The following GPATCH2L variants were observed in gnomAD, a reference collection of about 807,000 sequenced individuals.
The protein encoded by GPATCH2L is G patch domain-containing protein 2-like.
Under a neutral mutation model 57.4 loss-of-function variants are expected in GPATCH2L, and 31 were observed. The ratio of observed to expected loss-of-function variants is 0.54; its 90% CI spans 0.41 to 0.73. The LOEUF (loss-of-function observed/expected upper bound fraction) is 0.73. Ranked by LOEUF, GPATCH2L falls within the 30% of genes least tolerant of loss-of-function variation. The pLI, the probability that GPATCH2L is intolerant of heterozygous loss-of-function variation, is 0.00. For synonymous variants in GPATCH2L, 199 were observed against 210.7 expected (o/e 0.94, Z 0.48); for missense variants, 481 against 599.9 (o/e 0.80, Z 2.07).
chr14:76,180,772 C>T lies in GPATCH2L; in HGVS notation c.1116C>T (p.Pro372=). 6.2e-7 allele frequency: 1 copy of T among 1,609,548 alleles called. No homozygotes were observed. Among genetic ancestry groups the T allele is most frequent in the Non-Finnish European group, 8.5e-7 (1 of 1,175,794 alleles). Residue 372 remains proline (P), a synonymous_variant, in exon 8 of 10, where the codon CCC becomes CCT. Transcript: ENST00000261530. The part of the protein sequence containing the change: ...HISACAHEFN[P]LSPLYSLDVL... ...CTTATTCATTCCTGCAGTTCAATCCCCTGTCTCCCCTTTACTCCCTGGATG... is the reference window on the plus strand; with the variant it reads ...CTTATTCATTCCTGCAGTTCAATCCTCTGTCTCCCCTTTACTCCCTGGATG...
intron 5 of GPATCH2L, chr14:76,173,834 T>G: frequency 4.6e-6 from 2 of 433,288 alleles, no homozygotes; most frequent in Non-Finnish European, 4.0e-6. Flanking sequence ...ATAGAAGTAC[T>G]GACAAAAAAA....
intron 1 of GPATCH2L, among the ~76,000 whole-genome samples, chr14:76,227,824 C>G (rs929076917): frequency 5.3e-5 from 8 of 152,138 alleles, no homozygotes; most frequent in Non-Finnish European, 1.0e-4. Context: ...GGCTCAGCCC[C>G]GTGAGTCTGC....
chr14:76,176,901 T>A (rs10143467), intron 6 of GPATCH2L, among the ~76,000 whole-genome samples: 443 of 152,352 alleles, frequency 2.9e-3, no homozygotes, highest in African/African-American at 0.01. Flanking sequence ...ATTGTTTTTT[T>A]ATACCTACAG....
intron 1 of GPATCH2L, among the ~76,000 whole-genome samples, chr14:76,220,119 A>C (rs2040508069): frequency 6.6e-6 from 1 of 152,208 alleles, no homozygotes; most frequent in African/African-American, 2.4e-5. Flanking sequence ...TAACCATTAG[A>C]ATTCACCAGA....
intron 2 of GPATCH2L, among the ~76,000 whole-genome samples, chr14:76,156,084 A>T (rs2038294326): frequency 6.6e-6 from 1 of 152,176 alleles, no homozygotes; most frequent in Non-Finnish European, 1.5e-5. Flanking sequence ...CACTATTTGT[A>T]TTTACAGAAG....
rs199697532 is a variant in GPATCH2L at position 76,182,314 on chromosome 14, G to A, written c.1193+1465G>A. ...GGAGCTTGCAGTGAGCTGAGATCGC[G>A]CCACTGCACTCCAGCCTGGGGGACA... is the stretch of plus-strand genomic sequence containing the variant. On this transcript the variant is annotated intron_variant, in intron 8 of 9. Coordinates refer to ENST00000261530, the MANE Select transcript of GPATCH2L (RefSeq NM_017926.4). Among the ~76,000 whole-genome samples the A allele has an allele frequency of 3.7e-4, 47 of 126,966 alleles. No individual in the cohort carries two copies. The East Asian group carries it at 0.011, about 30-fold the overall frequency. 83.3% of individuals were successfully genotyped at this position (126,966 alleles called of 152,430 possible).
chr14:76,190,543 G>A (rs1050801465), intron 8 of GPATCH2L, among the ~76,000 whole-genome samples: 1 of 152,030 alleles, frequency 6.6e-6, no homozygotes, highest in African/African-American at 2.4e-5. Flanking sequence ...TGTCCCTGAG[G>A]CCCTGATCAG....
chr14:76,176,461 C>A, intron 5 of GPATCH2L, 162 bp from the exon 6 acceptor site: 1 of 610,390 alleles, frequency 1.6e-6, no homozygotes, highest in Non-Finnish European at 2.9e-6. Flanking sequence ...AAGATGGATT[C>A]CAATAAAAAG....
rs1263838480 is a variant in GPATCH2L, at chr14:76,207,151, C to T, written c.*5300C>T. 6.6e-6 allele frequency: 1 copy of T among 152,004 alleles called. No homozygotes were observed. The highest frequency in any genetic ancestry group is 1.5e-5 in the Non-Finnish European group (1 of 68,014). The allele number at this position is 152,004 out of a possible 1,614,324, so 9.4% of individuals were successfully genotyped here. A position where few individuals can be genotyped will look rare whatever the true frequency, so the allele number is the denominator to read the frequency against. On this transcript the variant is annotated 3_prime_UTR_variant, in exon 10 of 10. Coordinates refer to ENST00000261530, the MANE Select transcript of GPATCH2L (RefSeq NM_017926.4). The stretch of plus-strand genomic sequence containing the variant: ...GCAACACAGTGAGACCTTGTCTCTA[C>T]AAAAAATTTTAAAAATTAGCTGGCT...
chr14:76,235,371 C>A (rs1367755866), intron 2 of GPATCH2L, among the ~76,000 whole-genome samples: 2 of 152,114 alleles, frequency 1.3e-5, no homozygotes, highest in Non-Finnish European at 2.9e-5. Context: ...TTGTGGTAGG[C>A]TTAACTCGAA....
chr14:76,201,079 T>C (rs2040298242), intron 9 of GPATCH2L, among the ~76,000 whole-genome samples: 1 of 152,240 alleles, frequency 6.6e-6, no homozygotes, highest in South Asian at 2.1e-4. Flanking sequence ...AGAATGTCTT[T>C]AGTGATCTTA....
In GPATCH2L at chr14:76,173,639, CAGTT is replaced by C; in HGVS notation, c.984+17_984+20del. The C allele has an allele frequency of 6.6e-7, 1 of 1,521,720 alleles. No individual in the cohort carries two copies. 94.3% of individuals were successfully genotyped at this position (1,521,720 alleles called of 1,614,324 possible). A position where few individuals can be genotyped will look rare whatever the true frequency, so the allele number is the denominator to read the frequency against. On this transcript the variant is annotated intron_variant, in intron 5 of 9. Transcript: ENST00000261530. ...CTGGTTGGGAAGGTGATACCTCTCA[CAGTT>C]AGCTTGGCTCAGTGGGGAGATAATA...
chr14:76,162,062 T>C lies in GPATCH2L; in HGVS notation c.663-4601T>C, dbSNP rs142362061. Among the ~76,000 whole-genome samples the C allele has an allele frequency of 4.8e-3, 730 of 152,256 alleles. 8 individuals are homozygous for C. Among genetic ancestry groups the C allele is most frequent in the African/African-American group, 0.016 (681 of 41,554 alleles). ...AAAAAAATAAACAAAAAAAAACTTA[T>C]GAGCTCTAAACAATGAATACTTTAT... On this transcript the variant is annotated intron_variant, in intron 2 of 9. Transcript: ENST00000261530.
rs1294467030 is a variant in GPATCH2L at position 76,152,661 on chromosome 14, A to G, written c.-11+670A>G. The stretch of plus-strand genomic sequence containing the variant: ...GGAGTTCTAGGGTTCTTTTGTCACT[A>G]CTGTTGGAATTACAGGCTTTGAGGC... On this transcript the variant is annotated intron_variant, in intron 1 of 9. Coordinates refer to ENST00000261530, the MANE Select transcript of GPATCH2L (RefSeq NM_017926.4). 4 of 455,994 alleles carry G rather than the reference A, an allele frequency of 8.8e-6. No homozygotes were observed. The East Asian group carries it at 2.8e-4, about 32-fold the overall frequency. 28.2% of individuals were successfully genotyped at this position (455,994 alleles called of 1,614,324 possible). A position where few individuals can be genotyped will look rare whatever the true frequency, so the allele number is the denominator to read the frequency against.
At position 76,206,879 on chromosome 14, in the gene GPATCH2L, T is replaced by G. The variant is rs1333734399; in HGVS notation, c.*5028T>G. On this transcript the variant is annotated 3_prime_UTR_variant, in exon 10 of 10. Transcript: ENST00000261530. ...CCTCCATAAGTAAAGAGATTTTTTT[T>G]GTATAATTCTTTGCAGAAACTGTTA... The G allele has an allele frequency of 1.3e-5, 2 of 152,210 alleles. No homozygotes were observed. Among genetic ancestry groups the G allele is most frequent in the African/African-American group, 4.8e-5 (2 of 41,448 alleles). The allele number at this position is 152,210 out of a possible 1,614,324, so 9.4% of individuals were successfully genotyped here.
intron 2 of GPATCH2L, 130 bp downstream of exon 2, chr14:76,155,155 A>G (rs1459879034): frequency 2.9e-6 from 2 of 679,598 alleles, no homozygotes; most frequent in Non-Finnish European, 2.4e-6. Context: ...CCTTCCTTGA[A>G]TCAATCAGTA....
At chr14:76,160,666 A>G (rs1246588487) in intron 2 of GPATCH2L, among the ~76,000 whole-genome samples, 1 of 152,202 alleles carries the variant, frequency 6.6e-6, no homozygotes, top group African/African-American at 2.4e-5. Context: ...TTTTTCACAT[A>G]TGCTCAAGAC....
chr14:76,158,593 G>A (rs1384588749), intron 2 of GPATCH2L, among the ~76,000 whole-genome samples: 1 of 152,210 alleles, frequency 6.6e-6, no homozygotes, highest in African/African-American at 2.4e-5. Context: ...TTATTTCATG[G>A]TTAAGGTAAG....
rs890452834 is a variant in GPATCH2L at position 76,166,852 on chromosome 14, A to G, written c.727+125A>G. 5 of 718,676 alleles carry G rather than the reference A, an allele frequency of 7.0e-6. No homozygotes were observed. The African/African-American group carries it at 8.7e-5, about 13-fold the overall frequency. The allele number at this position is 718,676 out of a possible 1,614,324, so 44.5% of individuals were successfully genotyped here. On this transcript the variant is annotated intron_variant, in intron 3 of 9. Coordinates refer to ENST00000261530, the MANE Select transcript of GPATCH2L (RefSeq NM_017926.4). The stretch of plus-strand genomic sequence containing the variant: ...CAGTGGTTCTCAAACTTTAAGGCAT[A>G]TGAGAGTCACCTAGGGAACTGTTAA...
Sources: allele counts gnomAD v4.1 joint callset (sites outside exome capture counted in the v4.1 genomes callset), GRCh38; gene constraint gnomAD v4.1.1; transcripts MANE v1.5; gene names NCBI Gene and HGNC (gene_info 2026-07-23, HGNC 2026-07-21).